The following LAIR1 variants were observed in gnomAD, a reference collection of about 807,000 sequenced individuals.
The protein encoded by LAIR1 is leukocyte-associated immunoglobulin-like receptor 1.
In LAIR1, 24 loss-of-function variants were observed where a neutral mutation model predicts 32.8. The observed-to-expected ratio is 0.73, with a 90% confidence interval of 0.53 to 1.03. LAIR1 has a LOEUF of 1.03. LAIR1 is among the 50% of genes least tolerant of loss of function. The pLI is 0.00. For synonymous variants in LAIR1, 150 were observed against 140.5 expected (o/e 1.07, Z -0.48); for missense variants, 355 against 347.5 (o/e 1.02, Z -0.17).
In LAIR1 at chr19:54,356,051, A is replaced by C. The variant is rs371433254; in HGVS notation, c.665-45T>G. On this transcript the variant is annotated intron_variant, in intron 8 of 9. Transcript: ENST00000391742. Reference sequence around the variant, plus strand: ...GTCAGTTTTCTGGGGAGGATGTCGCAAGGCAAATCTGCCTGAGACCCCCAC... The same window carrying C: ...GTCAGTTTTCTGGGGAGGATGTCGCCAGGCAAATCTGCCTGAGACCCCCAC... 11 of 1,498,990 alleles carry C rather than the reference A, an allele frequency of 7.3e-6. No individual in the cohort carries two copies. The East Asian group carries it at 1.4e-4, about 18-fold the overall frequency. 92.9% of individuals were successfully genotyped at this position (1,498,990 alleles called of 1,614,324 possible). A position where few individuals can be genotyped will look rare whatever the true frequency, so the allele number is the denominator to read the frequency against.
upstream of LAIR1, among the ~76,000 whole-genome samples, chr19:54,371,170 C>T (rs186055365): frequency 7.9e-4 from 119 of 151,472 alleles, no homozygotes; most frequent in Non-Finnish European, 1.5e-3. Flanking sequence ...CCCCCTCCTA[C>T]CTCAGGTACC....
upstream of LAIR1, among the ~76,000 whole-genome samples, chr19:54,366,512 G>A (rs569763510): frequency 5.3e-5 from 8 of 151,830 alleles, no homozygotes; most frequent in East Asian, 3.9e-4. Context: ...TTTTTTAAAC[G>A]GAGTCTCGCT....
At position 54,351,988 on chromosome 19, in the gene LAIR1, C is replaced by T. The variant is rs2081541847; in HGVS notation, c.*3280G>A. 6.6e-6 allele frequency: 1 copy of T among 152,146 alleles called. No homozygotes were observed. Among genetic ancestry groups the T allele is most frequent in the African/African-American group, 2.4e-5 (1 of 41,412 alleles). 9.4% of individuals were successfully genotyped at this position (152,146 alleles called of 1,614,324 possible). ...CATTTTCTTTCCCCTACTACAAAAT[C>T]CCACCGCTGGGGTCCTGGTACCTAC... On this transcript the variant is annotated 3_prime_UTR_variant, in exon 10 of 10. Coordinates refer to ENST00000391742, the MANE Select transcript of LAIR1 (RefSeq NM_002287.6).
chr19:54,366,742 C>T (rs973187161), upstream of LAIR1, among the ~76,000 whole-genome samples: 12 of 152,300 alleles, frequency 7.9e-5, no homozygotes, highest in African/African-American at 2.9e-4. Flanking sequence ...CCCGCCTCGG[C>T]CTCCCAAAGT....
chr19:54,367,757 A>ATTT (rs1255968091), upstream of LAIR1, among the ~76,000 whole-genome samples: 1 of 133,740 alleles, frequency 7.5e-6, no homozygotes, highest in African/African-American at 3.2e-5. Context: ...AAAAATATAT[A>ATTT]TTTTTTTTAA....
chr19:54,373,073 A>G (rs1480904264), upstream of LAIR1, among the ~76,000 whole-genome samples: 1 of 150,582 alleles, frequency 6.6e-6, no homozygotes, highest in Non-Finnish European at 1.5e-5. Flanking sequence ...TAGAGGTTGC[A>G]GTGAGCCGAA....
chr19:54,367,917 C>T (rs1330118103), upstream of LAIR1, among the ~76,000 whole-genome samples: 3 of 149,994 alleles, frequency 2.0e-5, no homozygotes, highest in African/African-American at 2.4e-5. Context: ...GGACTACAGG[C>T]GCCCGCCACC....
At chr19:54,365,023 C>T (rs954683221), upstream of LAIR1, 78 of 1,426,186 alleles carry the variant, frequency 5.5e-5, no homozygotes, top group Admixed American at 2.4e-4. Flanking sequence ...TGAAAAATGT[C>T]GCTTACCCTA....
rs2082159519 is a variant in LAIR1, at chr19:54,364,333, G to A, written c.35-3C>T. 6.2e-7 allele frequency: 1 copy of A among 1,613,772 alleles called. No individual in the cohort carries two copies. The highest frequency in any genetic ancestry group is 1.1e-5 in the South Asian group (1 of 91,072). On this transcript the variant is annotated splice_polypyrimidine_tract_variant and splice_region_variant and intron_variant, in intron 1 of 9. Transcript: ENST00000391742. The surrounding 1 kb of genome is among the most constrained non-coding windows in gnomAD (Gnocchi z 4.8). ...GATGGTCTGGGCCAGGCAGAGCACTGGAAGAGAAGCCCCAGTGAGAAAAAT... is the reference window on the plus strand; with the variant it reads ...GATGGTCTGGGCCAGGCAGAGCACTAGAAGAGAAGCCCCAGTGAGAAAAAT...
chr19:54,357,122 A>G, intron 4 of LAIR1, 156 bp from the exon 5 acceptor site: 3 of 620,556 alleles, frequency 4.8e-6, no homozygotes, highest in Non-Finnish European at 8.5e-6. Context: ...GTCTTCTGTG[A>G]TGATGGAAAC....
chr19:54,356,299 G>T, intron 7 of LAIR1, 32 bp from the exon 8 acceptor site: 1 of 1,609,974 alleles, frequency 6.2e-7, no homozygotes, highest in Non-Finnish European at 8.5e-7. Flanking sequence ...AACCTCAGGG[G>T]CAGCCTGGCG....
chr19:54,362,739 G>A (rs1198801958), intron 2 of LAIR1, among the ~76,000 whole-genome samples: 4 of 152,160 alleles, frequency 2.6e-5, no homozygotes, highest in African/African-American at 9.7e-5. Flanking sequence ...ACCCACCTCC[G>A]CCTCCCAAAG....
Position 54,363,508 on chromosome 19 carries a change from G to A in LAIR1, c.70+787C>T, listed in dbSNP as rs148253901. 1.8e-3 allele frequency among the ~76,000 whole-genome samples: 272 copies of A among 152,254 alleles called. 1 individual carries two copies. Among genetic ancestry groups the A allele is most frequent in the African/African-American group, 6.4e-3 (264 of 41,548 alleles). On this transcript the variant is annotated intron_variant, in intron 2 of 9. Coordinates refer to ENST00000391742, the MANE Select transcript of LAIR1 (RefSeq NM_002287.6). ...TGACGCCTGCACTCCCAGGGTGACC[G>A]CAGCACTACTCACAGCCGCCAAGAC... is the stretch of plus-strand genomic sequence containing the variant.
Position 54,356,824 on chromosome 19 carries a change from T to G in LAIR1, c.454+104A>C, listed in dbSNP as rs186088447. The G allele has an allele frequency of 4.6e-3, 6,617 of 1,429,538 alleles. 232 individuals are homozygous for G. In the African/African-American group the frequency reaches 0.073, roughly 16 times the overall value. 88.6% of individuals were successfully genotyped at this position (1,429,538 alleles called of 1,614,324 possible). ...GAGTCCTCTGCACAGGGACACAGAC[T>G]GCCATTGGCAGAGCAGGAATCTGAT... On this transcript the variant is annotated intron_variant, in intron 5 of 9. Coordinates refer to ENST00000391742, the MANE Select transcript of LAIR1 (RefSeq NM_002287.6).
intron 4 of LAIR1, among the ~76,000 whole-genome samples, chr19:54,359,230 C>T (rs2081887249): frequency 6.6e-6 from 1 of 151,660 alleles, no homozygotes; most frequent in Admixed American, 6.6e-5. Flanking sequence ...GGGATAGAAA[C>T]CCAGGTGGGG....
At chr19:54,358,517 C>G in intron 4 of LAIR1, 1 of 1,603,088 alleles carries the variant, frequency 6.2e-7, no homozygotes, top group Non-Finnish European at 8.5e-7. Flanking sequence ...CAGTGCATTT[C>G]TATTGCTCAT....
At chr19:54,363,692 G>A (rs1223138541) in intron 2 of LAIR1, among the ~76,000 whole-genome samples, 4 of 152,196 alleles carry the variant, frequency 2.6e-5, no homozygotes, top group African/African-American at 4.8e-5. Context: ...GAAATAAGCC[G>A]GGCACAGAAA....
chr19:54,353,612 G>C lies in LAIR1; in HGVS notation c.*1656C>G, dbSNP rs2081579810. 1.3e-5 allele frequency: 2 copies of C among 152,158 alleles called. No homozygotes were observed. Among genetic ancestry groups the C allele is most frequent in the Admixed American group, 6.5e-5 (1 of 15,272 alleles). The allele number at this position is 152,158 out of a possible 1,614,324, so 9.4% of individuals were successfully genotyped here. A position where few individuals can be genotyped will look rare whatever the true frequency, so the allele number is the denominator to read the frequency against. On this transcript the variant is annotated 3_prime_UTR_variant, in exon 10 of 10. Transcript: ENST00000391742. ...GTTTTTATAAATGAGGAAAATAATA[G>C]AGCACGCTGTGGAGGGTTTGTAGGA...
upstream of LAIR1, among the ~76,000 whole-genome samples, chr19:54,373,072 C>G (rs2082443462): frequency 6.6e-6 from 1 of 150,416 alleles, no homozygotes; most frequent in Non-Finnish European, 1.5e-5. Flanking sequence ...GTAGAGGTTG[C>G]AGTGAGCCGA....
Sources: gnomAD v4.1 joint callset for allele counts (sites outside exome capture counted in the v4.1 genomes callset) on GRCh38, gnomAD v4.1.1 for gene constraint, Gnocchi (gnomAD v3.1) non-coding constraint, MANE v1.5 for transcripts, NCBI Gene and HGNC (gene_info 2026-07-23, HGNC 2026-07-21) for gene names.